Variants in LRRC42 observed in about 807,000 individuals in gnomAD.
LRRC42 encodes leucine rich repeat containing 42.
Under a neutral mutation model 44.3 loss-of-function variants are expected in LRRC42, and 43 were observed. The ratio of observed to expected loss-of-function variants is 0.97; its 90% CI spans 0.76 to 1.25. The LOEUF (loss-of-function observed/expected upper bound fraction) is 1.25, where lower values mean the gene tolerates loss of function less well. LRRC42 is among the 50% of genes most tolerant of loss of function. The pLI, the probability that LRRC42 is intolerant of heterozygous loss-of-function variation, is 0.00. For missense variants in LRRC42, 540 were observed against 509.1 expected (o/e 1.06, Z -0.58); for synonymous variants, 207 against 195.2 (o/e 1.06, Z -0.50).
intron 7 of LRRC42, among the ~76,000 whole-genome samples, chr1:53,965,531 G>A (rs1041353757): frequency 2.0e-5 from 3 of 149,218 alleles, no homozygotes; most frequent in African/African-American, 7.4e-5. Flanking sequence ...CTAGGCTGGA[G>A]TGCAGTGGCA....
At position 53,952,092 on chromosome 1, in the gene LRRC42, G is replaced by A; in HGVS notation, c.93G>A (p.Leu31=). The change falls in exon 3 of 9, where the codon CTG becomes CTA. Residue 31 remains leucine (L), a synonymous_variant. Coordinates refer to ENST00000371370, the MANE Select transcript of LRRC42 (RefSeq NM_001256409.2). ...NGQLHMVNLA[L]DGVRSSLQKP... ...AGCTGCACATGGTCAATCTGGCTCT[G>A]GATGGTGTCAGGAGTAGCCTGCAGA... 1 of 1,614,222 alleles carries A rather than the reference G, an allele frequency of 6.2e-7. No individual in the cohort carries two copies. Among genetic ancestry groups the A allele is most frequent in the Non-Finnish European group, 8.5e-7 (1 of 1,180,042 alleles).
intron 5 of LRRC42, among the ~76,000 whole-genome samples, chr1:53,960,723 G>A (rs1557647738): frequency 6.6e-6 from 1 of 152,280 alleles, no homozygotes. Flanking sequence ...CTCGCTGTGT[G>A]CAAACAGAGA....
Position 53,967,899 on chromosome 1 carries a change from G to A in LRRC42, c.1247G>A (p.Cys416Tyr). Reference protein sequence around the residue: ...SSQPSKQKYVCLAVEDWDLLN... With the variant: ...SSQPSKQKYVYLAVEDWDLLN... Reference sequence around the variant, plus strand: ...CAACCTTCAAAGCAGAAATATGTATGTCTTGCTGTGGAAGACTGGGACTTG... The same window carrying A: ...CAACCTTCAAAGCAGAAATATGTATATCTTGCTGTGGAAGACTGGGACTTG... Residue 416 changes from cysteine to tyrosine, a missense_variant, in exon 9 of 9, where the codon TGT (cysteine) becomes TAT (tyrosine). Cys to Tyr is a radical substitution (Grantham distance 194). Transcript: ENST00000371370. The A allele has an allele frequency of 6.2e-7, 1 of 1,614,168 alleles. No individual in the cohort carries two copies. Among genetic ancestry groups the A allele is most frequent in the Non-Finnish European group, 8.5e-7 (1 of 1,180,016 alleles).
At chr1:53,959,985 A>G (rs536657976) in intron 4 of LRRC42, among the ~76,000 whole-genome samples, 50 of 151,320 alleles carry the variant, frequency 3.3e-4, no homozygotes, top group African/African-American at 1.1e-3. Flanking sequence ...CAGTGGTGCA[A>G]TCATAGCTCA....
intron 4 of LRRC42, among the ~76,000 whole-genome samples, chr1:53,959,049 A>G (rs1654926156): frequency 6.6e-6 from 1 of 151,794 alleles, no homozygotes; most frequent in African/African-American, 2.4e-5. Context: ...ACGCCGGCTA[A>G]TTTTTGTACT....
intron 3 of LRRC42, among the ~76,000 whole-genome samples, chr1:53,955,238 T>C (rs1163230675): frequency 6.6e-6 from 1 of 152,190 alleles, no homozygotes; most frequent in Non-Finnish European, 1.5e-5. Context: ...ATGAAAGTGA[T>C]ACATTATCAG....
intron 1 of LRRC42, among the ~76,000 whole-genome samples, chr1:53,946,800 GC>G (rs1654489000): frequency 6.6e-6 from 1 of 151,826 alleles, no homozygotes. Flanking sequence ...AGCAGGATTA[GC>G]CTGGGTGGAC....
intron 2 of LRRC42, among the ~76,000 whole-genome samples, chr1:53,951,004 A>T (rs180737247): frequency 2.0e-5 from 3 of 152,242 alleles, no homozygotes; most frequent in Non-Finnish European, 4.4e-5. Flanking sequence ...CTCGGGGACT[A>T]TAAGATGCCA....
intron 3 of LRRC42, among the ~76,000 whole-genome samples, chr1:53,956,065 T>G (rs1654829332): frequency 6.6e-6 from 1 of 152,218 alleles, no homozygotes. Flanking sequence ...GCAGGAAACT[T>G]GAGGTTGCAT....
intron 1 of LRRC42, among the ~76,000 whole-genome samples, chr1:53,947,043 G>A (rs943406856): frequency 6.6e-6 from 1 of 151,610 alleles, no homozygotes; most frequent in African/African-American, 2.4e-5. Flanking sequence ...AGAGATTGGG[G>A]TCCTAGGAGA....
Position 53,952,282 on chromosome 1 carries a change from G to C in LRRC42, c.283G>C (p.Gly95Arg), listed in dbSNP as rs749577131. Reference sequence around the variant, plus strand: ...CAAATCCCTCTTCAGCCTTGTCCTGGGTTTCATCTCCGACAATGTGGATCA... The same window carrying C: ...CAAATCCCTCTTCAGCCTTGTCCTGCGTTTCATCTCCGACAATGTGGATCA... Reference protein sequence around the residue: ...SAKSLFSLVLGFISDNVDHID... With the variant: ...SAKSLFSLVLRFISDNVDHID... The change falls in exon 3 of 9, where the codon GGT (glycine) becomes CGT (arginine). Residue 95 changes from glycine to arginine, a missense_variant. Physicochemically the swap from Gly to Arg is moderately radical, Grantham distance 125. Coordinates refer to ENST00000371370, the MANE Select transcript of LRRC42 (RefSeq NM_001256409.2). 6.2e-7 allele frequency: 1 copy of C among 1,614,084 alleles called. No homozygotes were observed. The highest frequency in any genetic ancestry group is 1.7e-5 in the Admixed American group (1 of 60,004).
chr1:53,962,473 C>A lies in LRRC42; in HGVS notation c.927+64C>A, dbSNP rs189455434. On this transcript the variant is annotated intron_variant, in intron 7 of 8. Transcript: ENST00000371370. ...TTCATCTTAATTCCAAGTGTCTTAT[C>A]CAACACATTGAATAAACAGTAATCC... The A allele has an allele frequency of 1.2e-4, 117 of 995,372 alleles. No homozygotes were observed. The East Asian group carries it at 2.8e-3, about 23-fold the overall frequency. The allele number at this position is 995,372 out of a possible 1,614,324, so 61.7% of individuals were successfully genotyped here.
At chr1:53,947,670 A>G (rs1300122831) in intron 1 of LRRC42, 118 bp from the exon 2 acceptor site, 1 of 152,154 alleles carries the variant, frequency 6.6e-6, no homozygotes, top group African/African-American at 2.4e-5. Flanking sequence ...GGCTGAGGGA[A>G]GAAGGGAGGC....
At position 53,958,156 on chromosome 1, in the gene LRRC42, G is replaced by A. The variant is rs1289265460; in HGVS notation, c.481G>A (p.Val161Met). 5.0e-6 allele frequency: 8 copies of A among 1,613,524 alleles called. No homozygotes were observed. In the Admixed American group the frequency reaches 5.0e-5, roughly 10 times the overall value. Reference protein sequence around the residue: ...CSLCLRNRYLVISEKLEEIKS... With the variant: ...CSLCLRNRYLMISEKLEEIKS... ...GCTCTCCACGCTCCGTAGGTATCTC[G>A]TGATTTCAGAAAAGCTTGAGGAGAT... Residue 161 changes from valine (V) to methionine (M), a missense_variant, in exon 4 of 9, where the codon GTG (valine) becomes ATG (methionine). Coordinates refer to ENST00000371370, the MANE Select transcript of LRRC42 (RefSeq NM_001256409.2).
intron 7 of LRRC42, 121 bp from the exon 8 acceptor site, chr1:53,966,174 CT>C (rs1655123571): frequency 1.4e-6 from 1 of 705,120 alleles, no homozygotes; most frequent in Admixed American, 2.5e-5. Context: ...CACCAGTCAT[CT>C]GAAGTTAAAT....
chr1:53,962,217 ATGGTCTTTATTTACTAC>A, intron 6 of LRRC42, 62 bp from the exon 7 acceptor site: 1 of 1,432,692 alleles, frequency 7.0e-7, no homozygotes, highest in East Asian at 2.3e-5. Flanking sequence ...GGTATTTATG[ATGGTCTTTATTTACTAC>A]TGAAAACAAG....
At chr1:53,955,041 A>G (rs1654791576) in intron 3 of LRRC42, among the ~76,000 whole-genome samples, 1 of 152,250 alleles carries the variant, frequency 6.6e-6, no homozygotes, top group East Asian at 1.9e-4. Context: ...TAAGCAAATT[A>G]TAGTATATTT....
Position 53,967,816 on chromosome 1 carries a change from A to G in LRRC42, c.1164A>G (p.Ser388=). 1 of 1,614,208 alleles carries G rather than the reference A, an allele frequency of 6.2e-7. No individual in the cohort carries two copies. Among genetic ancestry groups the G allele is most frequent in the Non-Finnish European group, 8.5e-7 (1 of 1,180,028 alleles). ...LKHEAISSQE[S]KKSKKRPFEE... ...ACGAAGCTATCTCAAGCCAGGAGTCAAAGAAGAGCAAGAAGAGACCTTTTG... is the reference window on the plus strand; with the variant it reads ...ACGAAGCTATCTCAAGCCAGGAGTCGAAGAAGAGCAAGAAGAGACCTTTTG... The change falls in exon 9 of 9, where the codon TCA becomes TCG. Residue 388 remains serine (S), a synonymous_variant. Coordinates refer to ENST00000371370, the MANE Select transcript of LRRC42 (RefSeq NM_001256409.2).
intron 3 of LRRC42, among the ~76,000 whole-genome samples, chr1:53,953,606 G>T (rs1330047881): frequency 1.3e-5 from 2 of 151,990 alleles, no homozygotes; most frequent in Non-Finnish European, 2.9e-5. Flanking sequence ...TGATCCTCCC[G>T]CCTCAGCCTC....
Sources: allele counts gnomAD v4.1 joint callset (sites outside exome capture counted in the v4.1 genomes callset), GRCh38; gene constraint gnomAD v4.1.1; transcripts MANE v1.5; gene names NCBI Gene and HGNC (gene_info 2026-07-23, HGNC 2026-07-21).